The following OR7C1 variants were observed in gnomAD, a reference collection of about 807,000 sequenced individuals.
OR7C1 encodes olfactory receptor 7C1.
For synonymous variants in OR7C1, 152 were observed against 160.7 expected (o/e 0.95, Z 0.41); for missense variants, 324 against 383.3 (o/e 0.85, Z 1.29).
chr19:14,807,698 C>A (rs2044671953), intron 2 of OR7C1, among the ~76,000 whole-genome samples: 1 of 151,808 alleles, frequency 6.6e-6, no homozygotes, highest in Admixed American at 6.6e-5. Flanking sequence ...AGACTGAGAC[C>A]ATCCTGGCTA....
exon 5 of OR7C1, chr19:14,799,499 C>A: frequency 6.2e-7 from 1 of 1,614,128 alleles, no homozygotes; most frequent in East Asian, 2.2e-5. Flanking sequence ...GAAAAATATT[C>A]CAGTGAAGGA....
At chr19:14,821,880 C>A (rs977762575) in intron 1 of OR7C1, among the ~76,000 whole-genome samples, 4 of 152,204 alleles carry the variant, frequency 2.6e-5, no homozygotes, top group Admixed American at 1.3e-4. Context: ...AAATGTCCCT[C>A]ACCATTGTCA....
chr19:14,804,894 CA>C, intron 2 of OR7C1, among the ~76,000 whole-genome samples: 1 of 151,612 alleles, frequency 6.6e-6, no homozygotes, highest in East Asian at 1.9e-4. Flanking sequence ...TTTTTTGAGA[CA>C]AGGTCTTGTT....
intron 1 of OR7C1, chr19:14,827,226 T>A (rs1489869743): frequency 6.8e-7 from 1 of 1,473,250 alleles, no homozygotes; most frequent in African/African-American, 1.4e-5. Context: ...AAGTTCTATT[T>A]CCACTATCTG....
chr19:14,801,262 T>C (rs1371205179), intron 2 of OR7C1, among the ~76,000 whole-genome samples: 1 of 152,178 alleles, frequency 6.6e-6, no homozygotes, highest in African/African-American at 2.4e-5. Flanking sequence ...CTGCATGGAG[T>C]TGATACTTTT....
At chr19:14,835,044 C>T (rs2044871426) in intron 1 of OR7C1, 30 bp downstream of exon 1, 2 of 152,162 alleles carry the variant, frequency 1.3e-5, no homozygotes, top group African/African-American at 4.8e-5. Context: ...TATTGTTTTC[C>T]TGCAGTTCCC....
intron 1 of OR7C1, chr19:14,826,483 C>T (rs1410534125): frequency 2.0e-5 from 3 of 152,080 alleles, no homozygotes; most frequent in Non-Finnish European, 4.4e-5. Context: ...GACCATGGCA[C>T]CAAATCCATC....
chr19:14,806,506 A>G (rs2044667174), intron 2 of OR7C1, among the ~76,000 whole-genome samples: 1 of 151,908 alleles, frequency 6.6e-6, no homozygotes, highest in African/African-American at 2.4e-5. Flanking sequence ...CCCTGCATGC[A>G]TTAGCTATTT....
chr19:14,805,516 A>G (rs1376951575), intron 2 of OR7C1, among the ~76,000 whole-genome samples: 1 of 148,620 alleles, frequency 6.7e-6, no homozygotes, highest in African/African-American at 2.5e-5. Context: ...ACTGGGTTCA[A>G]GTGATTCTCC....
intron 2 of OR7C1, among the ~76,000 whole-genome samples, chr19:14,808,359 A>T (rs8105405): frequency 0.17 from 25,428 of 151,894 alleles, 2,328 homozygotes; most frequent in Non-Finnish European, 0.18. Context: ...CAAGTCATAG[A>T]ATCAACTTAA....
Position 14,813,681 on chromosome 19 carries a change from C to A in OR7C1, c.-622-3688G>T, listed in dbSNP as rs562949490. On this transcript the variant is annotated intron_variant, in intron 1 of 4. Transcript: ENST00000641666. ...ATGGAGGGGAAGCAAGACACGTCTT[C>A]ACAAGGCAGCAGGAAAGAGAGGCAG... Among the ~76,000 whole-genome samples the A allele has an allele frequency of 4.6e-5, 7 of 152,098 alleles. No individual in the cohort carries two copies. The East Asian group carries it at 1.3e-3, about 29-fold the overall frequency.
chr19:14,818,062 T>TTTATTTATTTATTTA (rs1555695177), intron 1 of OR7C1, among the ~76,000 whole-genome samples: 57 of 139,464 alleles, frequency 4.1e-4, no homozygotes, highest in Middle Eastern at 3.6e-3. Flanking sequence ...ATTTTATTTA[T>TTTATTTATTTATTTA]TTTATTTATT....
At chr19:14,807,152 T>C (rs1252920667) in intron 2 of OR7C1, among the ~76,000 whole-genome samples, 1 of 151,956 alleles carries the variant, frequency 6.6e-6, no homozygotes, top group African/African-American at 2.4e-5. Context: ...TGAGCTTTTT[T>C]TCATGTTTGT....
chr19:14,801,646 G>A (rs1487929731), intron 2 of OR7C1, among the ~76,000 whole-genome samples: 1 of 152,180 alleles, frequency 6.6e-6, no homozygotes, highest in Non-Finnish European at 1.5e-5. Context: ...TTCTCACGCT[G>A]CTGTAAAGAA....
rs546780115 is a variant in OR7C1 at position 14,805,616 on chromosome 19, A to T, written c.-435+4190T>A. ...TTTTTAGTAGAGACAGAGTTTTGCCATGTGCCCAGGCTGGTCTCGAACTCC... is the reference window on the plus strand; with the variant it reads ...TTTTTAGTAGAGACAGAGTTTTGCCTTGTGCCCAGGCTGGTCTCGAACTCC... On this transcript the variant is annotated intron_variant, in intron 2 of 4. Coordinates refer to ENST00000641666, the Ensembl canonical transcript of OR7C1. Among the ~76,000 whole-genome samples, 6 of 151,482 alleles carry T rather than the reference A, an allele frequency of 4.0e-5. No homozygotes were observed. In the East Asian group the frequency reaches 1.2e-3, roughly 30 times the overall value.
intron 1 of OR7C1, among the ~76,000 whole-genome samples, chr19:14,820,763 C>T (rs140586832): frequency 6.6e-5 from 10 of 152,260 alleles, no homozygotes; most frequent in Non-Finnish European, 1.2e-4. Flanking sequence ...GATAGATTGT[C>T]GTGGCAGGGG....
intron 4 of OR7C1, 38 bp from the exon 5 acceptor site, chr19:14,800,187 A>G (rs557246039): frequency 6.7e-7 from 1 of 1,486,818 alleles, no homozygotes; most frequent in African/African-American, 1.4e-5. Flanking sequence ...TCAATTATCA[A>G]CACACTGGCA....
intron 2 of OR7C1, among the ~76,000 whole-genome samples, chr19:14,801,339 C>T (rs2041103): frequency 0.2 from 30,697 of 152,080 alleles, 3,293 homozygotes; most frequent in Admixed American, 0.24. Context: ...TCAGTGCAAA[C>T]ATCTGACATG....
chr19:14,828,758 CAAAAAAAAAAAAAAAA>C (rs58983718), intron 1 of OR7C1, among the ~76,000 whole-genome samples: 1 of 35,138 alleles, frequency 2.8e-5, no homozygotes, highest in Non-Finnish European at 5.2e-5. Context: ...GACTCCATCT[CAAAAAAAAAAAAAAAA>C]AAAAAAAAAA....
Sources: gnomAD v4.1 joint callset for allele counts (sites outside exome capture counted in the v4.1 genomes callset) on GRCh38, gnomAD v4.1.1 for gene constraint, MANE v1.5 for transcripts, NCBI Gene and HGNC (gene_info 2026-07-23, HGNC 2026-07-21) for gene names.